RABGAP1L: variants seen among roughly 807,000 people sequenced by gnomAD.
The protein encoded by RABGAP1L is RAB GTPase activating protein 1 like, also known as rab GTPase-activating protein 1-like.
In RABGAP1L, 63 loss-of-function variants were observed where a neutral mutation model predicts 137.7. That is an observed-to-expected ratio of 0.46 (90% CI 0.37 to 0.56). The LOEUF is 0.56. RABGAP1L is among the 20% of genes least tolerant of loss of function. The pLI is 0.00. For missense variants in RABGAP1L, 1,095 were observed against 1,244.0 expected (o/e 0.88, Z 1.80); for synonymous variants, 431 against 433.7 (o/e 0.99, Z 0.08).
chr1:174,945,519 T>C (rs879892619), intron 19 of RABGAP1L: 1 of 151,806 alleles, frequency 6.6e-6, no homozygotes, highest in Non-Finnish European at 1.5e-5. Context: ...GAATAATCAA[T>C]ACAGTGAGAG....
chr1:174,595,956 C>T (rs1198166386), intron 13 of RABGAP1L, among the ~76,000 whole-genome samples: 24 of 102,988 alleles, frequency 2.3e-4, no homozygotes, highest in Admixed American at 1.2e-3. Context: ...CCCCCAGCCT[C>T]GTTGCCGCCT....
intron 18 of RABGAP1L, among the ~76,000 whole-genome samples, chr1:174,795,127 A>T (rs1221596625): frequency 6.6e-6 from 1 of 152,078 alleles, no homozygotes; most frequent in East Asian, 1.9e-4. Context: ...CTTTGGGACC[A>T]TTGCCTGGTT....
chr1:174,183,609 A>G (rs2148302202), intron 1 of RABGAP1L, among the ~76,000 whole-genome samples: 1 of 152,284 alleles, frequency 6.6e-6, no homozygotes, highest in African/African-American at 2.4e-5. Context: ...CCTACTTGAC[A>G]CATCATTTCT....
chr1:174,431,673 AT>A (rs1652648505), intron 13 of RABGAP1L, among the ~76,000 whole-genome samples: 1 of 152,212 alleles, frequency 6.6e-6, no homozygotes, highest in South Asian at 2.1e-4. Context: ...ATGCACATAG[AT>A]TCATAAAATA....
intron 13 of RABGAP1L, among the ~76,000 whole-genome samples, chr1:174,578,360 T>C (rs1668517726): frequency 6.6e-6 from 1 of 152,076 alleles, no homozygotes; most frequent in African/African-American, 2.4e-5. Context: ...AATTTTTTGA[T>C]TTTTTTATAG....
At chr1:174,482,383 A>G (rs754518425) in intron 13 of RABGAP1L, among the ~76,000 whole-genome samples, 41 of 152,322 alleles carry the variant, frequency 2.7e-4, no homozygotes, top group Middle Eastern at 3.4e-3. Flanking sequence ...TTTAGAGGTA[A>G]TTTGTTCATT....
At chr1:174,335,935 A>G (rs751793827) in intron 11 of RABGAP1L, among the ~76,000 whole-genome samples, 1 of 152,180 alleles carries the variant, frequency 6.6e-6, no homozygotes, top group South Asian at 2.1e-4. Context: ...TGCCCAAGTA[A>G]TTTTAAGTGT....
intron 10 of RABGAP1L, among the ~76,000 whole-genome samples, chr1:174,293,982 G>T (rs528156565): frequency 6.6e-5 from 10 of 151,890 alleles, no homozygotes; most frequent in Admixed American, 2.0e-4. Flanking sequence ...ACCCTTATTG[G>T]AGTTCAGTTA....
chr1:174,904,839 C>T (rs1349078215), intron 19 of RABGAP1L, among the ~76,000 whole-genome samples: 10 of 151,884 alleles, frequency 6.6e-5, no homozygotes, highest in South Asian at 2.1e-4. Flanking sequence ...TTTGTAGAGA[C>T]GGGGGTCTCA....
At chr1:174,254,719 T>C (rs1672979004) in intron 7 of RABGAP1L, among the ~76,000 whole-genome samples, 1 of 152,218 alleles carries the variant, frequency 6.6e-6, no homozygotes, top group African/African-American at 2.4e-5. Context: ...TGCCACATTT[T>C]CTTTATCCAG....
chr1:174,171,083 T>C (rs1665345009), intron 1 of RABGAP1L, among the ~76,000 whole-genome samples: 1 of 152,192 alleles, frequency 6.6e-6, no homozygotes. Flanking sequence ...TTATAAAAAG[T>C]GGATCAGATG....
intron 19 of RABGAP1L, among the ~76,000 whole-genome samples, chr1:174,863,981 G>GA (rs1034831816): frequency 5.3e-5 from 8 of 151,036 alleles, no homozygotes; most frequent in South Asian, 2.1e-4. Flanking sequence ...CTCTGTCACA[G>GA]AAAAAAAAAG....
At chr1:174,913,098 C>A (rs1023641353) in intron 19 of RABGAP1L, among the ~76,000 whole-genome samples, 1 of 152,040 alleles carries the variant, frequency 6.6e-6, no homozygotes, top group Non-Finnish European at 1.5e-5. Flanking sequence ...ACCTCTGCCT[C>A]CCGAGTAGCT....
chr1:174,409,309 G>A (rs1649633755), intron 13 of RABGAP1L, among the ~76,000 whole-genome samples: 2 of 152,052 alleles, frequency 1.3e-5, no homozygotes, highest in Non-Finnish European at 2.9e-5. Context: ...AAGATTTCAT[G>A]GACATTTATC....
chr1:174,793,727 A>T (rs977811337), intron 18 of RABGAP1L, among the ~76,000 whole-genome samples: 1 of 151,138 alleles, frequency 6.6e-6, no homozygotes, highest in African/African-American at 2.4e-5. Flanking sequence ...ATGGATTTTC[A>T]CTGTGTCACC....
At chr1:174,202,541 C>G (rs1668199845) in intron 1 of RABGAP1L, among the ~76,000 whole-genome samples, 1 of 152,018 alleles carries the variant, frequency 6.6e-6, no homozygotes, top group African/African-American at 2.4e-5. Flanking sequence ...ATTGTAGATT[C>G]TGGATATTAG....
chr1:174,301,361 GCCATCTGGAATGGATGGCGGTGTGTTAA>G (rs1677687746), intron 10 of RABGAP1L, among the ~76,000 whole-genome samples: 1 of 149,248 alleles, frequency 6.7e-6, no homozygotes, highest in Admixed American at 6.6e-5. Flanking sequence ...TTAACACACC[GCCATCTGGAATGGATGGCGGTGTGTTAA>G]CCACTCTTTC....
intron 19 of RABGAP1L, among the ~76,000 whole-genome samples, chr1:174,870,295 C>T (rs1320324867): frequency 6.6e-6 from 1 of 152,180 alleles, no homozygotes; most frequent in Admixed American, 6.5e-5. Context: ...CTTTGCCTAT[C>T]TAAATTCAAT....
At chr1:174,497,997 G>T (rs1418318236) in intron 13 of RABGAP1L, among the ~76,000 whole-genome samples, 1 of 152,116 alleles carries the variant, frequency 6.6e-6, no homozygotes, top group Non-Finnish European at 1.5e-5. Flanking sequence ...CAAAAGGAAA[G>T]ATAAAATCCC....
Sources: allele counts gnomAD v4.1 joint callset (sites outside exome capture counted in the v4.1 genomes callset), GRCh38; gene constraint gnomAD v4.1.1; transcripts MANE v1.5; gene names NCBI Gene and HGNC (gene_info 2026-07-23, HGNC 2026-07-21).